The following DOK5 variants were observed in gnomAD, a reference collection of about 807,000 sequenced individuals.
DOK5 encodes downstream of tyrosine kinase 5.
Under a neutral mutation model 43.3 loss-of-function variants are expected in DOK5, and 27 were observed. The observed-to-expected ratio is 0.62, with a 90% CI of 0.46 to 0.86. The LOEUF (loss-of-function observed/expected upper bound fraction) is 0.86, where lower values mean the gene tolerates loss of function less well. Ranked by LOEUF, DOK5 falls within the 40% of genes least tolerant of loss-of-function variation. The pLI, the probability that DOK5 is intolerant of heterozygous loss-of-function variation, is 0.00. For synonymous variants in DOK5, 146 were observed against 140.1 expected, an observed-to-expected ratio of 1.04 and a Z score of -0.30; for missense variants, 373 against 392.9, an observed-to-expected ratio of 0.95 and a Z score of 0.43.
intron 6 of DOK5, 41 bp from the exon 7 acceptor site, chr20:54,643,417 C>T: frequency 1.2e-6 from 2 of 1,607,890 alleles, no homozygotes; most frequent in East Asian, 4.5e-5. Flanking sequence ...ACTTTCGGCC[C>T]CAGTGTTGCT....
At chr20:54,517,171 A>G (rs574978559) in intron 1 of DOK5, among the ~76,000 whole-genome samples, 1 of 152,266 alleles carries the variant, frequency 6.6e-6, no homozygotes, top group Admixed American at 6.5e-5. Context: ...CCTGAGTTTC[A>G]TATACATGAG....
At chr20:54,555,804 G>C (rs1984691246) in intron 2 of DOK5, among the ~76,000 whole-genome samples, 1 of 152,014 alleles carries the variant, frequency 6.6e-6, no homozygotes, top group Non-Finnish European at 1.5e-5. Flanking sequence ...TTTTAATTTT[G>C]GCTTTCCATC....
At chr20:54,584,958 T>C (rs905402297) in intron 2 of DOK5, among the ~76,000 whole-genome samples, 1 of 152,184 alleles carries the variant, frequency 6.6e-6, no homozygotes, top group African/African-American at 2.4e-5. Flanking sequence ...CAAAATAGAA[T>C]GATAGTGGAA....
intron 6 of DOK5, among the ~76,000 whole-genome samples, chr20:54,617,742 C>T (rs1233127894): frequency 6.6e-6 from 1 of 152,242 alleles, no homozygotes; most frequent in Non-Finnish European, 1.5e-5. Context: ...GTCCCCTGCA[C>T]TGTGAAACTT....
At chr20:54,480,685 A>C (rs1214648682) in intron 1 of DOK5, among the ~76,000 whole-genome samples, 1 of 151,992 alleles carries the variant, frequency 6.6e-6, no homozygotes, top group Non-Finnish European at 1.5e-5. Context: ...CTGGATGAGA[A>C]CCCCTGTCTG....
At chr20:54,503,012 G>T (rs1185367308) in intron 1 of DOK5, among the ~76,000 whole-genome samples, 1 of 152,106 alleles carries the variant, frequency 6.6e-6, no homozygotes, top group Non-Finnish European at 1.5e-5. Context: ...TCTACAGTAT[G>T]CACAGAATAC....
intron 1 of DOK5, among the ~76,000 whole-genome samples, chr20:54,517,843 A>G (rs1432028270): frequency 6.6e-6 from 1 of 152,218 alleles, no homozygotes; most frequent in Non-Finnish European, 1.5e-5. Flanking sequence ...AACACAGCTA[A>G]AAGATTGCTG....
chr20:54,483,553 G>T (rs934062901), intron 1 of DOK5, among the ~76,000 whole-genome samples: 1 of 152,182 alleles, frequency 6.6e-6, no homozygotes, highest in African/African-American at 2.4e-5. Flanking sequence ...GAAGTGAAAA[G>T]ATGCCTGAGG....
chr20:54,568,871 A>G (rs569063192), intron 2 of DOK5, among the ~76,000 whole-genome samples: 37 of 151,912 alleles, frequency 2.4e-4, no homozygotes, highest in South Asian at 6.2e-4. Flanking sequence ...GGCGGAGCTT[A>G]CAGTGAGCCG....
At chr20:54,642,094 G>T (rs1340142901) in intron 6 of DOK5, among the ~76,000 whole-genome samples, 1 of 152,072 alleles carries the variant, frequency 6.6e-6, no homozygotes, top group Non-Finnish European at 1.5e-5. Flanking sequence ...GCTTCCACTT[G>T]CACCCCCATT....
chr20:54,650,335 TAGAG>T (rs1306603658), intron 7 of DOK5, 76 bp from the exon 8 acceptor site: 2 of 1,391,056 alleles, frequency 1.4e-6, no homozygotes, highest in African/African-American at 2.9e-5. Flanking sequence ...ATTTCTGTTA[TAGAG>T]AAAGTTGTTG....
At chr20:54,562,628 T>G (rs1316912240) in intron 2 of DOK5, among the ~76,000 whole-genome samples, 2 of 152,040 alleles carry the variant, frequency 1.3e-5, no homozygotes, top group East Asian at 1.9e-4. Flanking sequence ...ACATTGTCCA[T>G]GCTGGTCTCG....
intron 6 of DOK5, among the ~76,000 whole-genome samples, chr20:54,642,560 A>AAG (rs1187301445): frequency 2.7e-5 from 4 of 148,500 alleles, no homozygotes; most frequent in East Asian, 2.0e-4. Context: ...AAAAAAAAAA[A>AAG]AAAAAAAAGA....
chr20:54,555,925 G>T (rs1007289998), intron 2 of DOK5, among the ~76,000 whole-genome samples: 10 of 152,206 alleles, frequency 6.6e-5, no homozygotes, highest in African/African-American at 2.2e-4. Flanking sequence ...ACTTGGCTAG[G>T]TGGGGGAAGT....
At chr20:54,484,723 G>A (rs1981860992) in intron 1 of DOK5, among the ~76,000 whole-genome samples, 2 of 152,268 alleles carry the variant, frequency 1.3e-5, no homozygotes, top group South Asian at 4.1e-4. Flanking sequence ...AGAATATTAT[G>A]TAAATGGAGT....
intron 2 of DOK5, among the ~76,000 whole-genome samples, chr20:54,583,877 T>G (rs554432133): frequency 6.6e-6 from 1 of 152,054 alleles, no homozygotes; most frequent in Admixed American, 6.6e-5. Context: ...AAGTAATTAC[T>G]GCACCAGGCA....
chr20:54,605,206 A>G (rs1986435649), intron 5 of DOK5, among the ~76,000 whole-genome samples: 1 of 152,114 alleles, frequency 6.6e-6, no homozygotes, highest in African/African-American at 2.4e-5. Context: ...TATGAAACTT[A>G]TTGGCTTACT....
intron 6 of DOK5, among the ~76,000 whole-genome samples, chr20:54,633,535 A>T (rs748219856): frequency 2.0e-5 from 3 of 152,182 alleles, no homozygotes; most frequent in Non-Finnish European, 4.4e-5. Flanking sequence ...GGAAGATATG[A>T]TTAGAATTGG....
intron 2 of DOK5, chr20:54,555,661 T>C (rs1466665228): frequency 6.6e-6 from 1 of 152,276 alleles, no homozygotes; most frequent in East Asian, 1.9e-4. Flanking sequence ...ACGCAGCCTA[T>C]GTATTTTCTT....
Sources: gnomAD v4.1 joint callset for allele counts (sites outside exome capture counted in the v4.1 genomes callset) on GRCh38, gnomAD v4.1.1 for gene constraint, MANE v1.5 for transcripts, NCBI Gene and HGNC (gene_info 2026-07-23, HGNC 2026-07-21) for gene names.